Variants in KDM6B observed in about 807,000 individuals in gnomAD.
KDM6B encodes lysine demethylase 6B.
KDM6B carries 22 observed loss-of-function variants against 150.4 expected under a neutral mutation model. That is an observed-to-expected ratio of 0.15 (90% CI 0.10 to 0.21). The LOEUF is 0.21. KDM6B is among the 10% of genes least tolerant of loss of function. The pLI is 1.00. For synonymous variants in KDM6B, 1,148 were observed against 921.1 expected (o/e 1.25, Z -4.46); for missense variants, 1,984 against 2,234.3 (o/e 0.89, Z 2.26).
chr17:7,836,724 A>G (rs896660424), intron 1 of KDM6B, among the ~76,000 whole-genome samples: 1 of 152,204 alleles, frequency 6.6e-6, no homozygotes, highest in Non-Finnish European at 1.5e-5. Flanking sequence ...AGAGATAAGG[A>G]CGCCTGGGTT....
In KDM6B at chr17:7,848,382, C is replaced by T. The variant is rs777290335; in HGVS notation, c.2094C>T (p.Ile698=). 2.2e-5 allele frequency: 35 copies of T among 1,613,038 alleles called. 1 individual carries two copies. The South Asian group carries it at 3.7e-4, about 17-fold the overall frequency. Reference sequence around the variant, plus strand: ...TCCTACCTGATGGGCTGGCCAACATCATGAAGATGCTGGACGAATCCATTC... The same window carrying T: ...TCCTACCTGATGGGCTGGCCAACATTATGAAGATGCTGGACGAATCCATTC... ...FKILPDGLAN[I]MKMLDESIRK... is the part of the protein sequence containing the mutation. The change falls in exon 12 of 24, where the codon ATC becomes ATT. Residue 698 remains isoleucine, a synonymous_variant. Coordinates refer to ENST00000448097, the MANE Select transcript of KDM6B (RefSeq NM_001348716.2).
chr17:7,842,067 C>G (rs1174205637), intron 2 of KDM6B, among the ~76,000 whole-genome samples: 1 of 152,244 alleles, frequency 6.6e-6, no homozygotes, highest in African/African-American at 2.4e-5. Context: ...GGGCTCTTGT[C>G]TCTGGCCGTC....
chr17:7,850,056 C>A lies in KDM6B; in HGVS notation c.3568-16C>A. Reference sequence around the variant, plus strand: ...GGGCCAGGGCTCTGACCCCAGCTCTCCTGGTCATGTCTCAGCTGGAGAGCA... The same window carrying A: ...GGGCCAGGGCTCTGACCCCAGCTCTACTGGTCATGTCTCAGCTGGAGAGCA... On this transcript the variant is annotated splice_polypyrimidine_tract_variant and intron_variant, in intron 13 of 23. Coordinates refer to ENST00000448097, the MANE Select transcript of KDM6B (RefSeq NM_001348716.2). 1 of 1,613,612 alleles carries A rather than the reference C, an allele frequency of 6.2e-7. No homozygotes were observed. Among genetic ancestry groups the A allele is most frequent in the Non-Finnish European group, 8.5e-7 (1 of 1,179,856 alleles).
chr17:7,853,043 G>A lies in KDM6B; in HGVS notation c.4654G>A (p.Glu1552Lys). 6.2e-7 allele frequency: 1 copy of A among 1,614,058 alleles called. No individual in the cohort carries two copies. The highest frequency in any genetic ancestry group is 1.1e-5 in the South Asian group (1 of 91,056). ...QSMKHCQVQR[E>K]SLVRAGKKIA... is the part of the protein sequence containing the mutation. ...CATGAAGCACTGCCAGGTGCAACGC[G>A]AGAGCCTGGTGCGGGCAGGGAAGAA... The change falls in exon 22 of 24, where the codon GAG becomes AAG. Residue 1552 changes from glutamate (E) to lysine (K), a missense_variant. This residue lies in a region of KDM6B where 18 missense variants were observed against 23.6 expected (regional missense o/e 0.76). Coordinates refer to ENST00000448097, the MANE Select transcript of KDM6B (RefSeq NM_001348716.2).
In KDM6B at chr17:7,850,196, A is replaced by C; in HGVS notation, c.3673+19A>C. Reference sequence around the variant, plus strand: ...CGGCTCAGTGAGTATGGGGGGCAGAAAGTGTTAGGGAGGGCTACAAGGGTC... The same window carrying C: ...CGGCTCAGTGAGTATGGGGGGCAGACAGTGTTAGGGAGGGCTACAAGGGTC... On this transcript the variant is annotated intron_variant, in intron 14 of 23. Transcript: ENST00000448097. 2.5e-6 allele frequency: 4 copies of C among 1,598,342 alleles called. No individual in the cohort carries two copies. Among genetic ancestry groups the C allele is most frequent in the Non-Finnish European group, 3.4e-6 (4 of 1,166,998 alleles).
intron 6 of KDM6B, 40 bp downstream of exon 6, chr17:7,846,010 G>C: frequency 1.9e-6 from 3 of 1,606,744 alleles, no homozygotes; most frequent in East Asian, 2.2e-5. Flanking sequence ...GGGAGGTAAG[G>C]CTGGGGCCTT....
At position 7,853,658 on chromosome 17, in the gene KDM6B, C is replaced by G. The variant is rs1221496831; in HGVS notation, c.*137C>G. 4.0e-6 allele frequency: 2 copies of G among 500,734 alleles called. No individual in the cohort carries two copies. Among genetic ancestry groups the G allele is most frequent in the East Asian group, 4.2e-5 (1 of 24,040 alleles). The allele number at this position is 500,734 out of a possible 1,614,324, so 31.0% of individuals were successfully genotyped here. ...CCCTTCCACCCCATTGGCAGCTCCC[C>G]TCACTTAATTTATTAAGAAAAACTT... On this transcript the variant is annotated 3_prime_UTR_variant, in exon 24 of 24. Coordinates refer to ENST00000448097, the MANE Select transcript of KDM6B (RefSeq NM_001348716.2).
rs11078709 is a variant in KDM6B, at chr17:7,846,914, T to C, written c.807T>C (p.Ala269=). 385,768 of 1,395,270 alleles carry C rather than the reference T, an allele frequency of 0.28. 58,888 individuals are homozygous for C. The highest frequency in any genetic ancestry group is 0.85 in the East Asian group (37,190 of 43,868). The allele number at this position is 1,395,270 out of a possible 1,614,324, so 86.4% of individuals were successfully genotyped here. A position where few individuals can be genotyped will look rare whatever the true frequency, so the allele number is the denominator to read the frequency against. The change falls in exon 10 of 24, where the codon GCT becomes GCC. Residue 269 remains alanine (A), a synonymous_variant. Transcript: ENST00000448097. ...PPPPPPLPGL[A]TSPPFQLTKP... ...CACCACCACCCCTGCCTGGCCTGGC[T>C]ACCAGCCCCCCATTTCAGCTAACCA...
chr17:7,846,047 CACCCA>C, intron 6 of KDM6B, 26 bp from the exon 7 acceptor site: 2 of 1,331,380 alleles, frequency 1.5e-6, no homozygotes, highest in Non-Finnish European at 2.1e-6. Context: ...GCCCAACCCC[CACCCA>C]CACCCCCACC....
At position 7,852,992 on chromosome 17, in the gene KDM6B, C is replaced by A. The variant is rs759985916; in HGVS notation, c.4611-8C>A. ...CGGTGGTCTCAACACAACCCCACTG[C>A]TCCCCAGGTTCTGCCTGCTGCAGTC... On this transcript the variant is annotated splice_region_variant and splice_polypyrimidine_tract_variant and intron_variant, in intron 21 of 23. Coordinates refer to ENST00000448097, the MANE Select transcript of KDM6B (RefSeq NM_001348716.2). 5 of 1,613,816 alleles carry A rather than the reference C, an allele frequency of 3.1e-6. No individual in the cohort carries two copies. The highest frequency in any genetic ancestry group is 4.2e-6 in the Non-Finnish European group (5 of 1,180,032).
In KDM6B at chr17:7,849,494, T is replaced by A. The variant is rs1256623940; in HGVS notation, c.3206T>A (p.Val1069Asp). Residue 1069 changes from valine to aspartate, a missense_variant, in exon 12 of 24, where the codon GTC (valine) becomes GAC (aspartate). By Grantham distance (152) the Val-to-Asp change is radical (BLOSUM62 -3). Coordinates refer to ENST00000448097, the MANE Select transcript of KDM6B (RefSeq NM_001348716.2). ...SAQPTPPSAS[V>D]PGKKAREEAP... ...CAGCCCACACCCCCGTCAGCCTCTG[T>A]CCCTGGAAAGAAGGCTCGGGAGGAA... is the stretch of plus-strand genomic sequence containing the variant. 2 of 1,612,676 alleles carry A rather than the reference T, an allele frequency of 1.2e-6. No homozygotes were observed. Among genetic ancestry groups the A allele is most frequent in the African/African-American group, 1.3e-5 (1 of 74,906 alleles).
rs1040803724 is a variant in KDM6B at position 7,844,832 on chromosome 17, C to G, written c.-268-69C>G. On this transcript the variant is annotated intron_variant, in intron 2 of 23. Transcript: ENST00000448097. This position sits in a 1 kb window ranked among gnomAD's most constrained non-coding sequence, Gnocchi z 5.9. ...TCACCCCGGGCTGAGCTCGTCTGAC[C>G]GGCTCCCGCGCCCCTCCTCCCCCGG... 1.9e-5 allele frequency: 3 copies of G among 158,496 alleles called. No individual in the cohort carries two copies. The South Asian group carries it at 5.0e-4, about 26-fold the overall frequency. 9.8% of individuals were successfully genotyped at this position (158,496 alleles called of 1,614,324 possible). A position where few individuals can be genotyped will look rare whatever the true frequency, so the allele number is the denominator to read the frequency against.
chr17:7,837,952 A>G (rs1043108661), intron 1 of KDM6B, among the ~76,000 whole-genome samples: 8 of 151,892 alleles, frequency 5.3e-5, no homozygotes, highest in African/African-American at 1.5e-4. Context: ...TGCTTTGTGC[A>G]TTTTATTTGA....
At position 7,847,129 on chromosome 17, in the gene KDM6B, C is replaced by T. The variant is rs1009735593; in HGVS notation, c.934C>T (p.Pro312Ser). The part of the protein sequence containing the change: ...RQEQRHSLPH[P>S]YPYPAPAYTA... ...GGAGCAGCGGCACTCGCTGCCTCAC[C>T]CATATCCATACCCAGCTCCAGCGTA... Residue 312 changes from proline (P) to serine (S), a missense_variant, in exon 11 of 24, where the codon CCA (proline) becomes TCA (serine). By Grantham distance (74) the Pro-to-Ser change is moderately conservative. Around this residue, in one of 13 missense-constraint regions of KDM6B, gnomAD observed 1,379 missense variants for 1,275.6 expected, o/e 1.08. Coordinates refer to ENST00000448097, the MANE Select transcript of KDM6B (RefSeq NM_001348716.2). 3 of 1,610,924 alleles carry T rather than the reference C, an allele frequency of 1.9e-6. No individual in the cohort carries two copies. Among genetic ancestry groups the T allele is most frequent in the Non-Finnish European group, 2.5e-6 (3 of 1,179,862 alleles).
At chr17:7,847,047 C>T (rs753778409) in intron 10 of KDM6B, 31 bp downstream of exon 10, 2 of 1,611,168 alleles carry the variant, frequency 1.2e-6, no homozygotes, top group Non-Finnish European at 1.7e-6. Context: ...TTTCACCTCT[C>T]ACCTACAAGT....
chr17:7,838,965 G>A (rs962596081), intron 1 of KDM6B, among the ~76,000 whole-genome samples: 2 of 151,764 alleles, frequency 1.3e-5, no homozygotes, highest in Non-Finnish European at 2.9e-5. Flanking sequence ...ATGGAGACTG[G>A]GGGCTAGAGG....
chr17:7,847,415 A>C lies in KDM6B; in HGVS notation c.1220A>C (p.Asn407Thr). The C allele has an allele frequency of 6.2e-7, 1 of 1,613,564 alleles. No individual in the cohort carries two copies. ...AGCAGCAGCAGTAGCAGCAGCAGCA[A>C]CACTGGTCTCCGGGGCGTGGAGCCG... ...TTSSSSSSSS[N>T]TGLRGVEPNP... The change falls in exon 11 of 24, where the codon AAC becomes ACC. Residue 407 changes from asparagine to threonine, a missense_variant. By Grantham distance (65) the Asn-to-Thr change is moderately conservative. Transcript: ENST00000448097.
At chr17:7,839,367 G>C (rs1187890185) in intron 1 of KDM6B, among the ~76,000 whole-genome samples, 7 of 152,126 alleles carry the variant, frequency 4.6e-5, no homozygotes, top group Admixed American at 3.3e-4. Context: ...GTTCTTGCAG[G>C]GGAGGATGGC....
In KDM6B at chr17:7,848,276, T is replaced by C; in HGVS notation, c.1988T>C (p.Leu663Pro). Residue 663 changes from leucine (L) to proline (P), a missense_variant, in exon 12 of 24, where the codon CTG (leucine) becomes CCG (proline). Physicochemically the swap from Leu to Pro is moderately conservative, Grantham distance 98 (BLOSUM62 -3). Around this residue, in one of 13 missense-constraint regions of KDM6B, gnomAD observed 1,379 missense variants for 1,275.6 expected, o/e 1.08. Coordinates refer to ENST00000448097, the MANE Select transcript of KDM6B (RefSeq NM_001348716.2). ...CCTGTGCCGCCCGGGGTTGGGGAGC[T>C]GCCTGCCCGAGGCCCTCGACTCTTT... ...PQPVPPGVGE[L>P]PARGPRLFDF... 1 of 1,610,526 alleles carries C rather than the reference T, an allele frequency of 6.2e-7. No individual in the cohort carries two copies. The highest frequency in any genetic ancestry group is 8.5e-7 in the Non-Finnish European group (1 of 1,179,416).
Sources: gnomAD v4.1 joint callset for allele counts (sites outside exome capture counted in the v4.1 genomes callset) on GRCh38, gnomAD v4.1.1 for gene constraint, gnomAD v4.1.1 regional missense constraint, Gnocchi (gnomAD v3.1) non-coding constraint, MANE v1.5 for transcripts, NCBI Gene and HGNC (gene_info 2026-07-23, HGNC 2026-07-21) for gene names.